Variants in XK observed in about 807,000 individuals in gnomAD.
The protein encoded by XK is endoplasmic reticulum membrane adapter protein XK.
In XK, 2 loss-of-function variants were observed where a neutral mutation model predicts 14.0. That is an observed-to-expected ratio of 0.14 (90% CI 0.06 to 0.45). The LOEUF (loss-of-function observed/expected upper bound fraction) is 0.45, where lower values mean the gene tolerates loss of function less well. XK is among the 20% of genes least tolerant of loss of function. The probability of loss-of-function intolerance (pLI) is 0.98; values close to 1 mark genes in which losing one functional copy is unlikely to be tolerated. For synonymous variants in XK, 149 were observed against 147.5 expected (o/e 1.01, Z -0.08); for missense variants, 235 against 341.5 (o/e 0.69, Z 2.46).
intron 2 of XK, among the ~76,000 whole-genome samples, chrX:37,710,825 G>C (rs1355908390): frequency 8.9e-6 from 1 of 111,742 alleles, no homozygotes; most frequent in African/African-American, 3.3e-5. Context: ...CCTATATCCT[G>C]GAGTTGAAAA....
chrX:37,723,714 ACT>A (rs1927922156), intron 2 of XK, among the ~76,000 whole-genome samples: 2 of 111,264 alleles, frequency 1.8e-5, no homozygotes, highest in Non-Finnish European at 3.8e-5. Flanking sequence ...CAATATAAAT[ACT>A]GTACATGTGT....
intron 2 of XK, among the ~76,000 whole-genome samples, chrX:37,718,086 A>C (rs1927798874): frequency 1.8e-5 from 2 of 111,733 alleles, no homozygotes; most frequent in Admixed American, 9.5e-5. Context: ...ATTATTATTG[A>C]AGTATAAAGT....
chrX:37,694,704 G>A (rs1446247746), intron 2 of XK, among the ~76,000 whole-genome samples, 156 bp downstream of exon 2: 1 of 112,178 alleles, frequency 8.9e-6, no homozygotes, highest in East Asian at 2.8e-4. Context: ...AAATAACAAC[G>A]TTTATTTTGC....
At chrX:37,708,788 T>G (rs1927602513) in intron 2 of XK, among the ~76,000 whole-genome samples, 1 of 112,594 alleles carries the variant, frequency 8.9e-6, no homozygotes, top group Non-Finnish European at 1.9e-5. Flanking sequence ...CTTTCCAGAC[T>G]CTTTCTGCAA....
chrX:37,715,772 G>A (rs1003228154), intron 2 of XK, among the ~76,000 whole-genome samples: 1 of 111,403 alleles, frequency 9.0e-6, no homozygotes, highest in Non-Finnish European at 1.9e-5. Flanking sequence ...CTAAACAATG[G>A]TCCATATGAT....
chrX:37,719,427 T>G (rs1927827905), intron 2 of XK, among the ~76,000 whole-genome samples: 1 of 110,947 alleles, frequency 9.0e-6, no homozygotes, highest in Non-Finnish European at 1.9e-5. Flanking sequence ...GCCATTCTTT[T>G]CTCTCTCTTT....
chrX:37,727,494 C>A (rs1602158778), intron 2 of XK, 142 bp from the exon 3 acceptor site: 2 of 545,184 alleles, frequency 3.7e-6, no homozygotes, highest in African/African-American at 2.3e-5. Context: ...GCACAGTGGG[C>A]AGATGCTAAC....
chrX:37,695,277 G>A (rs1927286823), intron 2 of XK, among the ~76,000 whole-genome samples: 1 of 112,167 alleles, frequency 8.9e-6, no homozygotes, highest in Admixed American at 9.4e-5. Flanking sequence ...TTCTAAACTA[G>A]TTGAGACAGT....
chrX:37,711,691 AC>A (rs1927670668), intron 2 of XK, among the ~76,000 whole-genome samples: 1 of 111,427 alleles, frequency 9.0e-6, no homozygotes, highest in Non-Finnish European at 1.9e-5. Context: ...CAAATGAACC[AC>A]CTGCACCCGG....
chrX:37,694,592 G>T lies in XK; in HGVS notation c.508+44G>T, dbSNP rs1046000896. The T allele has an allele frequency of 3.4e-6, 4 of 1,172,373 alleles. No homozygotes were observed. In the South Asian group the frequency reaches 7.5e-5, roughly 22 times the overall value. ...TCTGCCTGCATTTGGGGATCAAAATGAGAAGCAAAATATGCAGTTTATTTT... is the reference window on the plus strand; with the variant it reads ...TCTGCCTGCATTTGGGGATCAAAATTAGAAGCAAAATATGCAGTTTATTTT... On this transcript the variant is annotated intron_variant, in intron 2 of 2. Coordinates refer to ENST00000378616, the MANE Select transcript of XK (RefSeq NM_021083.4).
At chrX:37,711,380 T>C (rs1413122265) in intron 2 of XK, among the ~76,000 whole-genome samples, 9 of 112,293 alleles carry the variant, frequency 8.0e-5, no homozygotes, top group Non-Finnish European at 1.5e-4. Flanking sequence ...GCCTCAGGTC[T>C]TTCTCCTCTG....
At chrX:37,694,648 T>A (rs1350024640) in intron 2 of XK, 100 bp downstream of exon 2, 2 of 1,070,233 alleles carry the variant, frequency 1.9e-6, no homozygotes, top group Non-Finnish European at 2.5e-6. Context: ...TTAAGTGCAC[T>A]TAATTCTGAA....
intron 2 of XK, among the ~76,000 whole-genome samples, chrX:37,722,779 C>CT (rs1296910894): frequency 8.9e-6 from 1 of 112,047 alleles, no homozygotes; most frequent in Non-Finnish European, 1.9e-5. Context: ...CAGCCAGACT[C>CT]TGTTATTTCT....
At chrX:37,697,804 C>T (rs906577836) in intron 2 of XK, among the ~76,000 whole-genome samples, 1 of 112,219 alleles carries the variant, frequency 8.9e-6, no homozygotes, top group Non-Finnish European at 1.9e-5. Context: ...GTCCCCTATT[C>T]ATTAACAGTC....
At chrX:37,688,273 A>G (rs1488541471) in intron 1 of XK, among the ~76,000 whole-genome samples, 2 of 109,243 alleles carry the variant, frequency 1.8e-5, no homozygotes, top group Non-Finnish European at 3.8e-5. Context: ...TCACCGTGCC[A>G]GCCAGGATGG....
At chrX:37,698,597 A>T (rs1238030969) in intron 2 of XK, among the ~76,000 whole-genome samples, 1 of 105,705 alleles carries the variant, frequency 9.5e-6, no homozygotes, top group Admixed American at 1.0e-4. Context: ...TTATAGTCAG[A>T]TAGAGGAGCC....
intron 2 of XK, among the ~76,000 whole-genome samples, chrX:37,707,206 G>A (rs1225460582): frequency 5.4e-5 from 6 of 111,087 alleles, no homozygotes; most frequent in Admixed American, 9.4e-5. Context: ...CAGAAGGGGC[G>A]GCCGGGCAGA....
At position 37,717,922 on chromosome X, in the gene XK, G is replaced by A. The variant is rs552717320; in HGVS notation, c.509-9714G>A. On this transcript the variant is annotated intron_variant, in intron 2 of 2. Transcript: ENST00000378616. ...TTATGTAATGTCTATTTTCTACTTGGCATTTTGCCAGGGTAGGGAAAAATA... is the reference window on the plus strand; with the variant it reads ...TTATGTAATGTCTATTTTCTACTTGACATTTTGCCAGGGTAGGGAAAAATA... Among the ~76,000 whole-genome samples, 4 of 111,622 alleles carry A rather than the reference G, an allele frequency of 3.6e-5. No individual in the cohort carries two copies. The South Asian group carries it at 1.5e-3, about 41-fold the overall frequency.
intron 2 of XK, among the ~76,000 whole-genome samples, chrX:37,699,297 T>A (rs782059345): frequency 1.8e-5 from 2 of 112,152 alleles, no homozygotes; most frequent in African/African-American, 3.2e-5. Flanking sequence ...TAGCCATGGA[T>A]CTCCATTTGT....
Sources: gnomAD v4.1 joint callset for allele counts (sites outside exome capture counted in the v4.1 genomes callset) on GRCh38, gnomAD v4.1.1 for gene constraint, MANE v1.5 for transcripts, NCBI Gene and HGNC (gene_info 2026-07-23, HGNC 2026-07-21) for gene names.